SFXN5: variants seen among roughly 807,000 people sequenced by gnomAD.
SFXN5 encodes sideroflexin 5.
In SFXN5, 43 loss-of-function variants were observed where a neutral mutation model predicts 50.2. That is an observed-to-expected ratio of 0.86 (90% CI 0.67 to 1.11). SFXN5 has a LOEUF of 1.11. Ranked by LOEUF, SFXN5 falls within the 50% of genes least tolerant of loss-of-function variation. SFXN5 has a pLI of 0.00. For missense variants in SFXN5, 463 were observed against 454.1 expected (o/e 1.02, Z -0.18); for synonymous variants, 203 against 185.8 (o/e 1.09, Z -0.75).
intron 6 of SFXN5, among the ~76,000 whole-genome samples, chr2:73,012,326 T>A (rs1421322307): frequency 6.6e-6 from 1 of 152,160 alleles, no homozygotes; most frequent in Non-Finnish European, 1.5e-5. Context: ...GTATAACTTT[T>A]AAAATATTCT....
chr2:72,993,790 G>A (rs964172514), intron 9 of SFXN5, among the ~76,000 whole-genome samples: 2 of 152,156 alleles, frequency 1.3e-5, no homozygotes, highest in East Asian at 1.9e-4. Flanking sequence ...AGAAGGGCCT[G>A]AGGTACACCC....
rs532078270 is a variant in SFXN5, at chr2:72,960,540, C to T, written c.945+591G>A. Among the ~76,000 whole-genome samples, 23 of 152,226 alleles carry T rather than the reference C, an allele frequency of 1.5e-4. 1 individual carries two copies. In the South Asian group the frequency reaches 2.9e-3, roughly 19 times the overall value. On this transcript the variant is annotated intron_variant, in intron 13 of 13. Transcript: ENST00000272433. The surrounding 1 kb of genome is among the most constrained non-coding windows in gnomAD (Gnocchi z 6.1). Reference sequence around the variant, plus strand: ...TCTGGAGCTCTAACCCAGCCCCACGCGGCAGCACAGGGGCCGCTCAGAATC... The same window carrying T: ...TCTGGAGCTCTAACCCAGCCCCACGTGGCAGCACAGGGGCCGCTCAGAATC...
rs774719444 is a variant in SFXN5, at chr2:73,020,222, T to C, written c.357+17A>G. On this transcript the variant is annotated intron_variant, in intron 6 of 13. Coordinates refer to ENST00000272433, the MANE Select transcript of SFXN5 (RefSeq NM_144579.3). ...ATAATTTTTTAGAAAAGGAAATCCT[T>C]TGAAGGTAACACTTACAATTGGCGT... is the stretch of plus-strand genomic sequence containing the variant. 6 of 1,612,548 alleles carry C rather than the reference T, an allele frequency of 3.7e-6. No individual in the cohort carries two copies. In the South Asian group the frequency reaches 6.6e-5, roughly 18 times the overall value.
chr2:72,955,207 G>C (rs1672948938), intron 13 of SFXN5, among the ~76,000 whole-genome samples: 1 of 152,236 alleles, frequency 6.6e-6, no homozygotes, highest in African/African-American at 2.4e-5. Flanking sequence ...TTGGTGAAGA[G>C]GAGATTTCAC....
At position 72,950,292 on chromosome 2, in the gene SFXN5, G is replaced by A. The variant is rs1672394006; in HGVS notation, c.946-5193C>T. Among the ~76,000 whole-genome samples the A allele has an allele frequency of 6.6e-6, 1 of 152,184 alleles. No individual in the cohort carries two copies. Among genetic ancestry groups the A allele is most frequent in the African/African-American group, 2.4e-5 (1 of 41,426 alleles). Reference sequence around the variant, plus strand: ...AGAGTTTTCTGAGAGTTGTCCCAGTGAGGGCTGAGAGGCTTTGGTCTTGGC... The same window carrying A: ...AGAGTTTTCTGAGAGTTGTCCCAGTAAGGGCTGAGAGGCTTTGGTCTTGGC... On this transcript the variant is annotated intron_variant, in intron 13 of 13. Transcript: ENST00000272433. The surrounding 1 kb of genome is among the most constrained non-coding windows in gnomAD (Gnocchi z 4.2).
chr2:73,030,813 CT>C (rs1678209932), intron 3 of SFXN5, among the ~76,000 whole-genome samples: 1 of 152,010 alleles, frequency 6.6e-6, no homozygotes, highest in Admixed American at 6.6e-5. Context: ...ACTGGAGTTA[CT>C]ATATTGTGAG....
intron 9 of SFXN5, among the ~76,000 whole-genome samples, chr2:72,991,456 C>T (rs1161105140): frequency 6.6e-6 from 1 of 152,248 alleles, no homozygotes; most frequent in Non-Finnish European, 1.5e-5. Flanking sequence ...GCTGTGAGCT[C>T]ATGAGGAGTC....
chr2:73,069,020 G>A (rs1433504773), intron 1 of SFXN5, among the ~76,000 whole-genome samples: 1 of 151,478 alleles, frequency 6.6e-6, no homozygotes, highest in African/African-American at 2.4e-5. Context: ...GTGAAGGAGG[G>A]TGCGAAGTGT....
At position 72,992,417 on chromosome 2, in the gene SFXN5, G is replaced by GC. The variant is rs1347310085; in HGVS notation, c.535-4070dup. Among the ~76,000 whole-genome samples the GC allele has an allele frequency of 6.6e-6, 1 of 152,134 alleles. No individual in the cohort carries two copies. Among genetic ancestry groups the GC allele is most frequent in the African/African-American group, 2.4e-5 (1 of 41,430 alleles). ...GAAGAATGCCTGCATCCCTCTCCCC[G>GC]CATCTGTGCCCCCACTGCAGCCTGA... On this transcript the variant is annotated intron_variant, in intron 9 of 13. Coordinates refer to ENST00000272433, the MANE Select transcript of SFXN5 (RefSeq NM_144579.3). This position sits in a 1 kb window ranked among gnomAD's most constrained non-coding sequence, Gnocchi z 4.5.
chr2:72,990,878 G>A (rs1308267657), intron 9 of SFXN5, among the ~76,000 whole-genome samples: 1 of 152,160 alleles, frequency 6.6e-6, no homozygotes, highest in African/African-American at 2.4e-5. Context: ...GGCCACCTTG[G>A]GGCTGGGGTC....
chr2:73,042,029 T>C (rs1247641819), intron 2 of SFXN5, among the ~76,000 whole-genome samples: 2 of 152,180 alleles, frequency 1.3e-5, no homozygotes, highest in African/African-American at 4.8e-5. Context: ...AGCACTTATA[T>C]ATTTTCAACA....
At chr2:73,047,172 C>G (rs1184144888) in intron 2 of SFXN5, among the ~76,000 whole-genome samples, 1 of 131,632 alleles carries the variant, frequency 7.6e-6, no homozygotes, top group African/African-American at 2.8e-5. Flanking sequence ...AAGCCAAGAT[C>G]GCACCACTGC....
In SFXN5 at chr2:73,016,352, G is replaced by A. The variant is rs190920430; in HGVS notation, c.357+3887C>T. Among the ~76,000 whole-genome samples, 13 of 152,240 alleles carry A rather than the reference G, an allele frequency of 8.5e-5. No homozygotes were observed. The East Asian group carries it at 2.3e-3, about 27-fold the overall frequency. On this transcript the variant is annotated intron_variant, in intron 6 of 13. Coordinates refer to ENST00000272433, the MANE Select transcript of SFXN5 (RefSeq NM_144579.3). ...CCACTTAGTAGAATACTATATAGCT[G>A]TAAAAAAGTAATAATGAGGAAGATC...
intron 2 of SFXN5, among the ~76,000 whole-genome samples, chr2:73,050,575 G>A (rs1481849881): frequency 6.6e-6 from 1 of 152,144 alleles, no homozygotes; most frequent in Non-Finnish European, 1.5e-5. Context: ...AAGGGGCAGT[G>A]AGCCCTGAAG....
chr2:73,067,697 T>G (rs1683275928), intron 1 of SFXN5, among the ~76,000 whole-genome samples: 2 of 152,040 alleles, frequency 1.3e-5, no homozygotes, highest in Non-Finnish European at 2.9e-5. Context: ...GGGGGGTGGG[T>G]GCATAGATGA....
intron 10 of SFXN5, among the ~76,000 whole-genome samples, chr2:72,974,145 C>G (rs1450078047): frequency 6.6e-6 from 1 of 152,210 alleles, no homozygotes; most frequent in Non-Finnish European, 1.5e-5. Flanking sequence ...TGAGCTCACA[C>G]AAAATGTCAG....
intron 6 of SFXN5, among the ~76,000 whole-genome samples, chr2:73,004,559 G>A (rs1036344865): frequency 2.0e-5 from 3 of 152,266 alleles, no homozygotes; most frequent in Non-Finnish European, 4.4e-5. Context: ...GGAGTGAGCC[G>A]AGGGGGCGCC....
Position 72,953,323 on chromosome 2 carries a change from A to C in SFXN5, c.945+7808T>G, listed in dbSNP as rs1397869234. On this transcript the variant is annotated intron_variant, in intron 13 of 13. Coordinates refer to ENST00000272433, the MANE Select transcript of SFXN5 (RefSeq NM_144579.3). The surrounding 1 kb of genome is among the most constrained non-coding windows in gnomAD (Gnocchi z 4.1). ...TTCAGTAGGGACTGATTAAACCAGT[A>C]AATGAGAAAAACCCCAAACAAACAT... is the stretch of plus-strand genomic sequence containing the variant. Among the ~76,000 whole-genome samples the C allele has an allele frequency of 6.6e-6, 1 of 152,178 alleles. No individual in the cohort carries two copies. Among genetic ancestry groups the C allele is most frequent in the Non-Finnish European group, 1.5e-5 (1 of 68,036 alleles).
chr2:73,058,488 C>CA (rs1682417870), intron 2 of SFXN5, 40 bp downstream of exon 2: 2 of 1,590,912 alleles, frequency 1.3e-6, no homozygotes, highest in South Asian at 2.2e-5. Flanking sequence ...TGACAAGGTA[C>CA]AAAGGCCCAA....
Sources: gnomAD v4.1 joint callset for allele counts (sites outside exome capture counted in the v4.1 genomes callset) on GRCh38, gnomAD v4.1.1 for gene constraint, Gnocchi (gnomAD v3.1) non-coding constraint, MANE v1.5 for transcripts, NCBI Gene and HGNC (gene_info 2026-07-23, HGNC 2026-07-21) for gene names.